PCDH9: variants seen among roughly 807,000 people sequenced by gnomAD.
PCDH9 encodes the protein protocadherin 9.
PCDH9 carries 24 observed loss-of-function variants against 70.6 expected under a neutral mutation model. That is an observed-to-expected ratio of 0.34 (90% CI 0.25 to 0.48). The LOEUF (loss-of-function observed/expected upper bound fraction) is 0.48. Among genes scored for constraint, PCDH9 ranks in the 20% least tolerant of loss-of-function variants. PCDH9 has a pLI of 0.99. For missense variants in PCDH9, 1,281 were observed against 1,503.6 expected (o/e 0.85, Z 2.45); for synonymous variants, 562 against 558.5 (o/e 1.01, Z -0.09).
Position 66,922,281 on chromosome 13 carries a change from G to C in PCDH9, c.3037-18676C>G, listed in dbSNP as rs546485032. ...TGATATTATATAAAATACATATCTA[G>C]CTGTAAATGTCATGTTCTATTTGGA... On this transcript the variant is annotated intron_variant, in intron 2 of 4. Transcript: ENST00000377865. Among the ~76,000 whole-genome samples, 4 of 151,270 alleles carry C rather than the reference G, an allele frequency of 2.6e-5. No homozygotes were observed. In the South Asian group the frequency reaches 8.3e-4, roughly 31 times the overall value.
chr13:66,443,528 T>C (rs1167098849), intron 4 of PCDH9, among the ~76,000 whole-genome samples: 2 of 152,178 alleles, frequency 1.3e-5, no homozygotes, highest in Non-Finnish European at 2.9e-5. Context: ...TAATTAATAG[T>C]GACAACATTC....
At chr13:66,946,642 A>C (rs189315826) in intron 2 of PCDH9, among the ~76,000 whole-genome samples, 52 of 152,262 alleles carry the variant, frequency 3.4e-4, no homozygotes, top group African/African-American at 1.0e-3. Flanking sequence ...ACAGCTTTTC[A>C]AAACTAGAGA....
At chr13:66,467,318 C>G (rs1291217719) in intron 4 of PCDH9, among the ~76,000 whole-genome samples, 1 of 152,062 alleles carries the variant, frequency 6.6e-6, no homozygotes, top group African/African-American at 2.4e-5. Flanking sequence ...CTTACTGGTC[C>G]TCTGTCATAA....
intron 2 of PCDH9, among the ~76,000 whole-genome samples, chr13:66,948,119 C>T (rs548993772): frequency 6.8e-6 from 1 of 146,994 alleles, no homozygotes; most frequent in African/African-American, 2.5e-5. Flanking sequence ...AAGTTGTATG[C>T]CTCAGAGTAT....
At chr13:67,137,894 TC>T (rs2087273967) in intron 2 of PCDH9, among the ~76,000 whole-genome samples, 1 of 152,132 alleles carries the variant, frequency 6.6e-6, no homozygotes, top group South Asian at 2.1e-4. Flanking sequence ...GGAAATATGT[TC>T]AATTCTATGT....
chr13:66,378,773 T>C (rs1404241999), intron 4 of PCDH9, among the ~76,000 whole-genome samples: 2 of 152,216 alleles, frequency 1.3e-5, no homozygotes, highest in African/African-American at 4.8e-5. Context: ...TGTTTACACA[T>C]AAAAGGACTA....
At chr13:66,502,430 T>C (rs1483808536) in intron 4 of PCDH9, among the ~76,000 whole-genome samples, 1 of 152,274 alleles carries the variant, frequency 6.6e-6, no homozygotes, top group Admixed American at 6.5e-5. Flanking sequence ...AAAATATTTT[T>C]TCTTAAAGTT....
intron 4 of PCDH9, among the ~76,000 whole-genome samples, chr13:66,404,690 T>C (rs1169381514): frequency 6.6e-6 from 1 of 152,158 alleles, no homozygotes; most frequent in African/African-American, 2.4e-5. Context: ...GTAAACCTTA[T>C]AATTTACGTA....
intron 3 of PCDH9, among the ~76,000 whole-genome samples, chr13:66,830,534 C>A (rs2080907412): frequency 1.3e-5 from 2 of 151,998 alleles, no homozygotes; most frequent in African/African-American, 4.8e-5. Flanking sequence ...CTAAAAGTAT[C>A]AATTATATTT....
At position 66,940,691 on chromosome 13, in the gene PCDH9, A is replaced by C. The variant is rs540427222; in HGVS notation, c.3037-37086T>G. 2.6e-4 allele frequency among the ~76,000 whole-genome samples: 39 copies of C among 152,146 alleles called. No homozygotes were observed. In the South Asian group the frequency reaches 7.1e-3, roughly 28 times the overall value. The stretch of plus-strand genomic sequence containing the variant: ...ATAAGTTTACTTTTTTGTCAAACAG[A>C]TTGGTCATAATTACCAATTAGTAAA... On this transcript the variant is annotated intron_variant, in intron 2 of 4. Coordinates refer to ENST00000377865, the MANE Select transcript of PCDH9 (RefSeq NM_203487.3).
At chr13:66,382,768 C>T (rs998535068) in intron 4 of PCDH9, among the ~76,000 whole-genome samples, 6 of 152,052 alleles carry the variant, frequency 3.9e-5, no homozygotes, top group African/African-American at 1.4e-4. Context: ...CGGTGGCTCA[C>T]GCCTGTAATC....
intron 2 of PCDH9, among the ~76,000 whole-genome samples, chr13:67,073,025 T>C (rs994891612): frequency 6.6e-6 from 1 of 152,198 alleles, no homozygotes; most frequent in African/African-American, 2.4e-5. Context: ...TTTGGTGCTA[T>C]ACAACCACAT....
At chr13:66,373,825 G>T (rs1320173991) in intron 4 of PCDH9, among the ~76,000 whole-genome samples, 1 of 152,138 alleles carries the variant, frequency 6.6e-6, no homozygotes, top group Non-Finnish European at 1.5e-5. Context: ...GTTATAGAAG[G>T]CCAGACTTCC....
chr13:66,955,397 T>G (rs1237144765), intron 2 of PCDH9, among the ~76,000 whole-genome samples: 2 of 152,140 alleles, frequency 1.3e-5, no homozygotes, highest in Non-Finnish European at 2.9e-5. Context: ...AAAATGATCC[T>G]TTGGAGCCAG....
chr13:66,847,852 G>A (rs1396064434), intron 3 of PCDH9, among the ~76,000 whole-genome samples: 1 of 152,180 alleles, frequency 6.6e-6, no homozygotes, highest in East Asian at 1.9e-4. Context: ...ATTTCATCAC[G>A]CTACTCAGAG....
intron 4 of PCDH9, among the ~76,000 whole-genome samples, chr13:66,492,207 C>A (rs1959045183): frequency 6.6e-6 from 1 of 151,990 alleles, no homozygotes; most frequent in Admixed American, 6.6e-5. Context: ...TTGTGATTGA[C>A]ACAATCAAAG....
At chr13:66,403,072 T>G (rs1427538652) in intron 4 of PCDH9, among the ~76,000 whole-genome samples, 4 of 148,714 alleles carry the variant, frequency 2.7e-5, no homozygotes, top group Non-Finnish European at 4.5e-5. Flanking sequence ...GGAGAATTAT[T>G]GGTAACTCTT....
At chr13:66,998,391 T>TA (rs2084166945) in intron 2 of PCDH9, among the ~76,000 whole-genome samples, 1 of 152,214 alleles carries the variant, frequency 6.6e-6, no homozygotes, top group Non-Finnish European at 1.5e-5. Context: ...CTAGTAGTTT[T>TA]AAAATATCTG....
chr13:67,045,293 A>G (rs1408407977), intron 2 of PCDH9, among the ~76,000 whole-genome samples: 1 of 152,156 alleles, frequency 6.6e-6, no homozygotes, highest in East Asian at 1.9e-4. Context: ...TTTATTCTTT[A>G]CCATCCCTTA....
Sources: gnomAD v4.1 joint callset for allele counts (sites outside exome capture counted in the v4.1 genomes callset) on GRCh38, gnomAD v4.1.1 for gene constraint, MANE v1.5 for transcripts, NCBI Gene and HGNC (gene_info 2026-07-23, HGNC 2026-07-21) for gene names.